Variants in ZCWPW1 observed in about 807,000 individuals in gnomAD.
ZCWPW1 encodes zinc finger CW-type and PWWP domain containing 1.
Under a neutral mutation model 81.3 loss-of-function variants are expected in ZCWPW1, and 56 were observed. The observed-to-expected ratio is 0.69, with a 90% CI of 0.56 to 0.86. ZCWPW1 has a LOEUF of 0.86. ZCWPW1 is among the 40% of genes least tolerant of loss of function. ZCWPW1 has a pLI of 0.00. For missense variants in ZCWPW1, 650 were observed against 769.8 expected (o/e 0.84, Z 1.84); for synonymous variants, 250 against 273.7 (o/e 0.91, Z 0.86).
chr7:100,420,004 T>C, intron 3 of ZCWPW1, 121 bp from the exon 4 acceptor site: 1 of 810,126 alleles, frequency 1.2e-6, no homozygotes. Flanking sequence ...AAATTCAGAT[T>C]CCTGGGTCTC....
At chr7:100,403,661 A>G (rs1340714573) in intron 15 of ZCWPW1, 33 bp downstream of exon 15, 1 of 1,557,960 alleles carries the variant, frequency 6.4e-7, no homozygotes, top group East Asian at 2.4e-5. Flanking sequence ...CCATCTCTAT[A>G]AAAATAAAAA....
chr7:100,419,972 T>A (rs1199612545), intron 3 of ZCWPW1, 89 bp from the exon 4 acceptor site: 17 of 1,086,256 alleles, frequency 1.6e-5, no homozygotes, highest in Admixed American at 2.6e-5. Flanking sequence ...CATAACAGAA[T>A]GATATGGAGA....
Position 100,416,557 on chromosome 7 carries a change from GCTCT to G in ZCWPW1, c.480-105_480-102del. 3.8e-6 allele frequency: 5 copies of G among 1,308,894 alleles called. No individual in the cohort carries two copies. The African/African-American group carries it at 4.5e-5, about 12-fold the overall frequency. 81.1% of individuals were successfully genotyped at this position (1,308,894 alleles called of 1,614,324 possible). A position where few individuals can be genotyped will look rare whatever the true frequency, so the allele number is the denominator to read the frequency against. Reference sequence around the variant, plus strand: ...TAAAAGGAAGACAGATGAATCCTAAGCTCTCTAAGACCTCCTGAGGCCATTTCAT... The same window carrying G: ...TAAAAGGAAGACAGATGAATCCTAAGCTAAGACCTCCTGAGGCCATTTCAT... On this transcript the variant is annotated intron_variant, in intron 6 of 17. Coordinates refer to ENST00000684423, the MANE Select transcript of ZCWPW1 (RefSeq NM_001386010.1).
In ZCWPW1 at chr7:100,408,572, G is replaced by C; in HGVS notation, c.959C>G (p.Ser320Cys). ...ACCGTATTGCTTGGCCCAGATGATGGATCCTGGGATGTAGGAGGCATAGGC... is the reference window on the plus strand; with the variant it reads ...ACCGTATTGCTTGGCCCAGATGATGCATCCTGGGATGTAGGAGGCATAGGC... The part of the protein sequence containing the change: ...DVAYASYIPG[S>C]IIWAKQYGYP... The change falls in exon 10 of 18, where the codon TCC becomes TGC. Residue 320 changes from serine to cysteine, a missense_variant. Coordinates refer to ENST00000684423, the MANE Select transcript of ZCWPW1 (RefSeq NM_001386010.1). 6.2e-7 allele frequency: 1 copy of C among 1,613,966 alleles called. No individual in the cohort carries two copies. The highest frequency in any genetic ancestry group is 8.5e-7 in the Non-Finnish European group (1 of 1,179,950).
At chr7:100,407,153 T>C in intron 11 of ZCWPW1, 75 bp downstream of exon 11, 1 of 1,380,132 alleles carries the variant, frequency 7.2e-7, no homozygotes, top group East Asian at 2.3e-5. Flanking sequence ...ATGTCTCTTA[T>C]CTGTACGTCT....
rs138813739 is a variant in ZCWPW1, at chr7:100,415,957, C to T, written c.754+18G>A. The stretch of plus-strand genomic sequence containing the variant: ...AAATTTTCAGGCCAAGTAGGTTTGC[C>T]AAACCAGCTAAACTCACCAAAACCA... On this transcript the variant is annotated intron_variant, in intron 8 of 17. Coordinates refer to ENST00000684423, the MANE Select transcript of ZCWPW1 (RefSeq NM_001386010.1). 1 of 1,613,820 alleles carries T rather than the reference C, an allele frequency of 6.2e-7. No individual in the cohort carries two copies. Among genetic ancestry groups the T allele is most frequent in the East Asian group, 2.2e-5 (1 of 44,884 alleles).
At chr7:100,427,255 C>T (rs1435183543) in intron 1 of ZCWPW1, among the ~76,000 whole-genome samples, 1 of 112,386 alleles carries the variant, frequency 8.9e-6, no homozygotes, top group Non-Finnish European at 1.8e-5. Context: ...CTCCCCCTTC[C>T]CTCCCTTGCT....
rs547921066 is a variant in ZCWPW1, at chr7:100,408,382, C to T, written c.992+157G>A. 1.7e-4 allele frequency among the ~76,000 whole-genome samples: 26 copies of T among 152,332 alleles called. 1 individual carries two copies. The highest frequency in any genetic ancestry group is 6.3e-4 in the African/African-American group (26 of 41,570). ...CTCCAGAAAATACACTCTTTCAAAGCCTCCAGGCTTGGTACTTTATCTTTT... is the reference window on the plus strand; with the variant it reads ...CTCCAGAAAATACACTCTTTCAAAGTCTCCAGGCTTGGTACTTTATCTTTT... On this transcript the variant is annotated intron_variant, in intron 10 of 17. Transcript: ENST00000684423.
Position 100,404,085 on chromosome 7 carries a change from T to G in ZCWPW1, c.1321+93A>C, listed in dbSNP as rs562401270. ...AAAGAATCCAGAATTAGCCTGATGA[T>G]AGAGAATATAAAATAAAGAAAAACA... is the stretch of plus-strand genomic sequence containing the variant. On this transcript the variant is annotated intron_variant, in intron 14 of 17. Transcript: ENST00000684423. The G allele has an allele frequency of 7.7e-5, 101 of 1,319,616 alleles. 1 individual carries two copies. In the South Asian group the frequency reaches 1.3e-3, roughly 17 times the overall value. 81.7% of individuals were successfully genotyped at this position (1,319,616 alleles called of 1,614,324 possible).
At position 100,419,194 on chromosome 7, in the gene ZCWPW1, A is replaced by C. The variant is rs146971791; in HGVS notation, c.283-5T>G. 13,017 of 1,612,642 alleles carry C rather than the reference A, an allele frequency of 8.1e-3. 83 individuals carry two copies. The highest frequency in any genetic ancestry group is 0.016 in the Middle Eastern group (98 of 6,054). ...ATTGGTAAGACTTGATTTTTCCTGC[A>C]GAGACAAGGGTAGGGGAGGAAAACC... On this transcript the variant is annotated splice_polypyrimidine_tract_variant and splice_region_variant and intron_variant, in intron 4 of 17. Transcript: ENST00000684423.
At chr7:100,409,321 A>G (rs1793716333) in intron 9 of ZCWPW1, 107 bp downstream of exon 9, 1 of 876,418 alleles carries the variant, frequency 1.1e-6, no homozygotes, top group Non-Finnish European at 1.8e-6. Flanking sequence ...CTACAAGGAC[A>G]CTGAGTGCTA....
chr7:100,407,118 T>C (rs1793175023), intron 11 of ZCWPW1, 110 bp downstream of exon 11: 2 of 994,976 alleles, frequency 2.0e-6, no homozygotes, highest in South Asian at 1.4e-5. Flanking sequence ...GTGTCTGTTT[T>C]CACTTGTGTC....
At chr7:100,408,448 T>C in intron 10 of ZCWPW1, 91 bp downstream of exon 10, 1 of 1,516,882 alleles carries the variant, frequency 6.6e-7, no homozygotes, top group Non-Finnish European at 9.0e-7. Flanking sequence ...ACCATTTCAA[T>C]TACAGATGTT....
Position 100,403,762 on chromosome 7 carries a change from T to C in ZCWPW1, c.1345A>G (p.Ser449Gly). The C allele has an allele frequency of 1.2e-6, 2 of 1,614,084 alleles. No individual in the cohort carries two copies. Among genetic ancestry groups the C allele is most frequent in the Non-Finnish European group, 1.7e-6 (2 of 1,179,982 alleles). Residue 449 changes from serine (S) to glycine (G), a missense_variant, in exon 15 of 18, where the codon AGC (serine) becomes GGC (glycine). Coordinates refer to ENST00000684423, the MANE Select transcript of ZCWPW1 (RefSeq NM_001386010.1). ...RKDLQLSGLN[S>G]PGSCLEKKEK... ...TTTTTCTCTAAGCAGGATCCTGGGC[T>C]GTTCAAACCAGAGAGCTGTAAGTCT...
chr7:100,415,078 T>TTTA (rs1794960132), intron 8 of ZCWPW1, among the ~76,000 whole-genome samples: 1 of 104,218 alleles, frequency 9.6e-6, no homozygotes, highest in Non-Finnish European at 2.3e-5. Context: ...CGTACCCATT[T>TTTA]TTTTTTTTTT....
rs1293962900 is a variant in ZCWPW1 at position 100,403,646 on chromosome 7, A to G, written c.1413+48T>C. On this transcript the variant is annotated intron_variant, in intron 15 of 17. Transcript: ENST00000684423. Reference sequence around the variant, plus strand: ...TGAGACCAGCCTGGGCAACCTGGTGAAACTCCATCTCTATAAAAATAAAAA... The same window carrying G: ...TGAGACCAGCCTGGGCAACCTGGTGGAACTCCATCTCTATAAAAATAAAAA... The G allele has an allele frequency of 5.2e-6, 8 of 1,529,406 alleles. No individual in the cohort carries two copies. The South Asian group carries it at 8.3e-5, about 16-fold the overall frequency. The allele number at this position is 1,529,406 out of a possible 1,614,324, so 94.7% of individuals were successfully genotyped here.
At chr7:100,401,818 A>T in intron 17 of ZCWPW1, 71 bp downstream of exon 17, 1 of 1,520,506 alleles carries the variant, frequency 6.6e-7, no homozygotes. Context: ...ATGGTTAAGA[A>T]ATGATTCAGG....
intron 8 of ZCWPW1, among the ~76,000 whole-genome samples, chr7:100,414,610 C>A (rs1794836696): frequency 6.6e-6 from 1 of 151,996 alleles, no homozygotes; most frequent in Non-Finnish European, 1.5e-5. Flanking sequence ...AGATGAGGGT[C>A]TCACTGTGTT....
chr7:100,404,152 C>T lies in ZCWPW1; in HGVS notation c.1321+26G>A, dbSNP rs200478128. The T allele has an allele frequency of 3.7e-6, 6 of 1,612,452 alleles. No individual in the cohort carries two copies. In the Admixed American group the frequency reaches 5.0e-5, roughly 13 times the overall value. On this transcript the variant is annotated intron_variant, in intron 14 of 17. Coordinates refer to ENST00000684423, the MANE Select transcript of ZCWPW1 (RefSeq NM_001386010.1). ...TGAAGGAATCCCTCCCATCCTTCTC[C>T]AGTCCTCAACCTCCATTTATCCTAC...
Sources: gnomAD v4.1 joint callset for allele counts (sites outside exome capture counted in the v4.1 genomes callset) on GRCh38, gnomAD v4.1.1 for gene constraint, MANE v1.5 for transcripts, NCBI Gene and HGNC (gene_info 2026-07-23, HGNC 2026-07-21) for gene names.